Variants in GSPT1 observed in about 807,000 individuals in gnomAD.
The protein encoded by GSPT1 is eukaryotic peptide chain release factor GTP-binding subunit ERF3A.
Under a neutral mutation model 72.5 loss-of-function variants are expected in GSPT1, and 20 were observed. The ratio of observed to expected loss-of-function variants is 0.28; its 90% CI spans 0.19 to 0.40. GSPT1 has a LOEUF of 0.40. Among genes scored for constraint, GSPT1 ranks in the 10% least tolerant of loss-of-function variants. The probability of loss-of-function intolerance (pLI) is 1.00; values close to 1 mark genes in which losing one functional copy is unlikely to be tolerated. For missense variants in GSPT1, 580 were observed against 811.9 expected (o/e 0.71, Z 3.47); for synonymous variants, 334 against 293.5 (o/e 1.14, Z -1.41).
chr16:11,912,668 A>C (rs2054575793), intron 1 of GSPT1, among the ~76,000 whole-genome samples: 1 of 152,150 alleles, frequency 6.6e-6, no homozygotes, highest in African/African-American at 2.4e-5. Context: ...TTCTTATCTA[A>C]CAATAAAAAA....
At position 11,871,396 on chromosome 16, in the gene GSPT1, C is replaced by T. The variant is rs1381532805; in HGVS notation, c.*1723G>A. 6.6e-6 allele frequency: 1 copy of T among 152,116 alleles called. No homozygotes were observed. The highest frequency in any genetic ancestry group is 1.5e-5 in the Non-Finnish European group (1 of 68,024). 9.4% of individuals were successfully genotyped at this position (152,116 alleles called of 1,614,324 possible). ...CAGCCTGACCAATAGGGGGAAACCT[C>T]GTCTCCACTAAAGATACAAAAATTA... On this transcript the variant is annotated 3_prime_UTR_variant, in exon 15 of 15. Coordinates refer to ENST00000434724, the MANE Select transcript of GSPT1 (RefSeq NM_002094.4).
intron 1 of GSPT1, among the ~76,000 whole-genome samples, chr16:11,910,675 G>C (rs989997088): frequency 6.6e-6 from 1 of 152,128 alleles, no homozygotes; most frequent in Non-Finnish European, 1.5e-5. Context: ...GCAAATCAAG[G>C]CTTAAACTTT....
intron 1 of GSPT1, among the ~76,000 whole-genome samples, chr16:11,905,843 ATAAG>A (rs1206880622): frequency 6.6e-6 from 1 of 152,064 alleles, no homozygotes; most frequent in African/African-American, 2.4e-5. Flanking sequence ...TGTCTCAAAA[ATAAG>A]TAAGTAAATA....
rs567558302 is a variant in GSPT1 at position 11,871,562 on chromosome 16, G to C, written c.*1557C>G. The C allele has an allele frequency of 2.0e-5, 3 of 152,042 alleles. No homozygotes were observed. Among genetic ancestry groups the C allele is most frequent in the African/African-American group, 4.8e-5 (2 of 41,382 alleles). 9.4% of individuals were successfully genotyped at this position (152,042 alleles called of 1,614,324 possible). A position where few individuals can be genotyped will look rare whatever the true frequency, so the allele number is the denominator to read the frequency against. Reference sequence around the variant, plus strand: ...AGCCTAGGTGACAGAGTGAGCCTCTGTCTCAAAACAAAACAAAACACCCAT... The same window carrying C: ...AGCCTAGGTGACAGAGTGAGCCTCTCTCTCAAAACAAAACAAAACACCCAT... On this transcript the variant is annotated 3_prime_UTR_variant, in exon 15 of 15. Coordinates refer to ENST00000434724, the MANE Select transcript of GSPT1 (RefSeq NM_002094.4).
chr16:11,886,057 T>C (rs921953350), intron 9 of GSPT1, among the ~76,000 whole-genome samples: 5 of 152,164 alleles, frequency 3.3e-5, no homozygotes, highest in African/African-American at 7.2e-5. Flanking sequence ...AACCTACACA[T>C]AGACCTTACA....
At chr16:11,897,931 T>C (rs751216553) in intron 2 of GSPT1, 50 bp from the exon 3 acceptor site, 3 of 1,434,578 alleles carry the variant, frequency 2.1e-6, no homozygotes, top group Admixed American at 3.9e-5. Flanking sequence ...AGTATCTAGC[T>C]TTACACACCA....
chr16:11,909,345 C>G (rs748722873), intron 1 of GSPT1, among the ~76,000 whole-genome samples: 2 of 152,136 alleles, frequency 1.3e-5, no homozygotes, highest in African/African-American at 2.4e-5. Context: ...CTACTGAAAA[C>G]AAGGCAGAAA....
chr16:11,902,925 C>T (rs2054433602), intron 1 of GSPT1, among the ~76,000 whole-genome samples: 1 of 151,932 alleles, frequency 6.6e-6, no homozygotes, highest in South Asian at 2.1e-4. Context: ...ATAGGTTCCC[C>T]AGACTGGTCT....
At position 11,876,089 on chromosome 16, in the gene GSPT1, T is replaced by G. The variant is rs942828628; in HGVS notation, c.1689A>C (p.Ile563=). ...HIHTCIEEVE[I]TALICLVDKK... ...AAACCAATTATCTTAAACTCACTGT[T>G]ATTTCCACCTCCTCAATACAGGTAT... The change falls in exon 13 of 15, where the codon ATA becomes ATC. Residue 563 remains isoleucine, a synonymous_variant. Coordinates refer to ENST00000434724, the MANE Select transcript of GSPT1 (RefSeq NM_002094.4). The G allele has an allele frequency of 1.9e-6, 3 of 1,587,824 alleles. No homozygotes were observed. Among genetic ancestry groups the G allele is most frequent in the Non-Finnish European group, 2.6e-6 (3 of 1,156,240 alleles).
intron 14 of GSPT1, among the ~76,000 whole-genome samples, chr16:11,875,334 T>C (rs1009825597): frequency 1.2e-4 from 18 of 152,252 alleles, no homozygotes; most frequent in African/African-American, 4.1e-4. Context: ...ATGGGAATGT[T>C]AGTTGTTCTG....
At chr16:11,894,918 T>C (rs2054315167) in intron 5 of GSPT1, 36 bp downstream of exon 5, 10 of 1,361,612 alleles carry the variant, frequency 7.3e-6, no homozygotes, top group Non-Finnish European at 1.0e-5. Context: ...ATTACATCAA[T>C]TTAACTCTGT....
chr16:11,896,530 A>G, intron 4 of GSPT1, 28 bp downstream of exon 4: 11 of 1,250,932 alleles, frequency 8.8e-6, no homozygotes, highest in Non-Finnish European at 1.2e-5. Context: ...TGTATCCAGT[A>G]ACTTTAATTG....
intron 1 of GSPT1, among the ~76,000 whole-genome samples, chr16:11,901,725 G>A (rs2054408882): frequency 6.6e-6 from 1 of 151,772 alleles, no homozygotes; most frequent in African/African-American, 2.4e-5. Flanking sequence ...CCAGGTAGCA[G>A]AGGTCGCAGT....
intron 11 of GSPT1, among the ~76,000 whole-genome samples, chr16:11,878,475 C>T (rs967091161): frequency 6.6e-6 from 1 of 151,938 alleles, no homozygotes; most frequent in Non-Finnish European, 1.5e-5. Flanking sequence ...ATGCCTTTAG[C>T]CCCGCTACTT....
chr16:11,890,998 A>G (rs1429045693), intron 6 of GSPT1, 64 bp downstream of exon 6: 1 of 737,572 alleles, frequency 1.4e-6, no homozygotes, highest in Non-Finnish European at 2.3e-6. Flanking sequence ...ACAGGCTCCA[A>G]AAGCACTAAG....
At chr16:11,897,034 A>G (rs1361976435) in intron 3 of GSPT1, among the ~76,000 whole-genome samples, 1 of 152,200 alleles carries the variant, frequency 6.6e-6, no homozygotes, top group Admixed American at 6.5e-5. Context: ...GCAAAGCTTC[A>G]TTTTCATAAT....
intron 1 of GSPT1, among the ~76,000 whole-genome samples, chr16:11,911,745 T>G (rs981204977): frequency 1.3e-5 from 2 of 150,884 alleles, no homozygotes; most frequent in African/African-American, 4.9e-5. Context: ...TAGAGACAGG[T>G]TTCGCCACGT....
intron 4 of GSPT1, among the ~76,000 whole-genome samples, chr16:11,895,815 C>T (rs542317200): frequency 1.3e-5 from 2 of 152,050 alleles, no homozygotes; most frequent in Non-Finnish European, 2.9e-5. Context: ...TTAGTAGAGA[C>T]GGGGTTTCAC....
chr16:11,897,872 G>A lies in GSPT1; in HGVS notation c.404C>T (p.Ser135Leu), dbSNP rs2054359462. The A allele has an allele frequency of 1.2e-5, 19 of 1,543,288 alleles. No individual in the cohort carries two copies. Among genetic ancestry groups the A allele is most frequent in the Non-Finnish European group, 1.6e-5 (18 of 1,132,996 alleles). ...EEQSLCEGSN[S>L]AVSMELSEPI... Reference sequence around the variant, plus strand: ...TTCTGAAAGTTCCATGCTAACAGCTGAATTTGAACCTAGACAAGAGATTGA... The same window carrying A: ...TTCTGAAAGTTCCATGCTAACAGCTAAATTTGAACCTAGACAAGAGATTGA... Residue 135 changes from serine (S) to leucine (L), a missense_variant, in exon 3 of 15, where the codon TCA becomes TTA. Physicochemically the swap from Ser to Leu is moderately radical, Grantham distance 145. Around this residue, in one of 6 missense-constraint regions of GSPT1, gnomAD observed 327 missense variants for 298.8 expected, o/e 1.09. Transcript: ENST00000434724.
Sources: allele counts gnomAD v4.1 joint callset (sites outside exome capture counted in the v4.1 genomes callset), GRCh38; gene constraint gnomAD v4.1.1; regional missense constraint gnomAD v4.1.1; transcripts MANE v1.5; gene names NCBI Gene and HGNC (gene_info 2026-07-23, HGNC 2026-07-21).